TMC5: variants seen among roughly 807,000 people sequenced by gnomAD.
TMC5 encodes the protein transmembrane channel-like protein 5.
TMC5 carries 86 observed loss-of-function variants against 110.5 expected under a neutral mutation model. The observed-to-expected ratio is 0.78, with a 90% CI of 0.65 to 0.93. The LOEUF is 0.93. TMC5 is among the 40% of genes least tolerant of loss of function. The pLI, the probability that TMC5 is intolerant of heterozygous loss-of-function variation, is 0.00. For missense variants in TMC5, 1,144 were observed against 1,222.8 expected, an observed-to-expected ratio of 0.94 and a Z score of 0.96; for synonymous variants, 455 against 439.5, an observed-to-expected ratio of 1.04 and a Z score of -0.44.
At chr16:19,445,565 A>G (rs1413253629) in intron 4 of TMC5, among the ~76,000 whole-genome samples, 1 of 152,062 alleles carries the variant, frequency 6.6e-6, no homozygotes, top group African/African-American at 2.4e-5. Flanking sequence ...TTCTAGGAGG[A>G]AAAAGAGACA....
intron 20 of TMC5, 114 bp downstream of exon 20, chr16:19,494,480 T>A (rs1426666712): frequency 5.8e-6 from 4 of 690,326 alleles, no homozygotes; most frequent in Non-Finnish European, 1.0e-5. Context: ...CCCTTCACTC[T>A]CTGTCTTAAG....
chr16:19,492,228 T>C lies in TMC5; in HGVS notation c.2826T>C (p.Asn942=). The C allele has an allele frequency of 6.2e-7, 1 of 1,611,606 alleles. No individual in the cohort carries two copies. The highest frequency in any genetic ancestry group is 8.5e-7 in the Non-Finnish European group (1 of 1,177,754). The change falls in exon 19 of 22, where the codon AAT becomes AAC. Residue 942 remains asparagine (N), a splice_region_variant and synonymous_variant. Coordinates refer to ENST00000542583, the MANE Select transcript of TMC5 (RefSeq NM_001261841.2). ...MIRLLHEQII[N]EGKDKMFLIE... is the part of the protein sequence containing the mutation. ...GGCTGCTCCATGAGCAGATCATTAATGTAAGTCCCCTTGGATCCCTCTGAT... is the reference window on the plus strand; with the variant it reads ...GGCTGCTCCATGAGCAGATCATTAACGTAAGTCCCCTTGGATCCCTCTGAT...
chr16:19,472,010 C>A, intron 10 of TMC5, 78 bp from the exon 11 acceptor site: 1 of 1,482,464 alleles, frequency 6.7e-7, no homozygotes, highest in Non-Finnish European at 9.3e-7. Context: ...ATCCACCCGC[C>A]TTGGCCTCCC....
intron 3 of TMC5, among the ~76,000 whole-genome samples, chr16:19,443,281 A>C (rs1329325738): frequency 1.3e-5 from 2 of 152,330 alleles, no homozygotes; most frequent in Admixed American, 6.5e-5. Context: ...ATTACTCATC[A>C]GTTGATTTTC....
At chr16:19,491,144 GGCTT>G (rs1968895376) in intron 18 of TMC5, among the ~76,000 whole-genome samples, 1 of 151,966 alleles carries the variant, frequency 6.6e-6, no homozygotes, top group Non-Finnish European at 1.5e-5. Context: ...CAAGTAGCTG[GGCTT>G]GCAGGTGTGC....
intron 2 of TMC5, among the ~76,000 whole-genome samples, chr16:19,434,709 G>C (rs1368926765): frequency 6.6e-6 from 1 of 151,898 alleles, no homozygotes; most frequent in African/African-American, 2.4e-5. Flanking sequence ...AGTTGCCAGG[G>C]TTTACATTGT....
chr16:19,457,154 C>A, intron 5 of TMC5: 1 of 714,652 alleles, frequency 1.4e-6, no homozygotes, highest in Non-Finnish European at 2.2e-6. Flanking sequence ...CTTTGGGAGG[C>A]CAAGATAAGA....
rs529284481 is a variant in TMC5, at chr16:19,432,552, G to A, written c.-80+1912G>A. On this transcript the variant is annotated intron_variant, in intron 2 of 21. Transcript: ENST00000542583. ...AAGCTAAGGGTAAGGTTCTCAGAAG[G>A]CCACTCCCACTTCATGTGACATCAG... Among the ~76,000 whole-genome samples the A allele has an allele frequency of 1.3e-4, 20 of 152,274 alleles. No individual in the cohort carries two copies. In the South Asian group the frequency reaches 4.1e-3, roughly 32 times the overall value.
intron 2 of TMC5, among the ~76,000 whole-genome samples, chr16:19,436,559 T>G (rs1967354762): frequency 6.6e-6 from 1 of 152,216 alleles, no homozygotes; most frequent in South Asian, 2.1e-4. Flanking sequence ...AGCACAGCAT[T>G]TAGTCTTCTT....
intron 2 of TMC5, among the ~76,000 whole-genome samples, chr16:19,434,054 A>ATAAATCTATATATTATATATATAATATAT (rs200203424): frequency 3.1e-4 from 2 of 6,358 alleles, no homozygotes; most frequent in African/African-American, 4.9e-4. Context: ...TAATATATAT[A>ATAAATCTATATATTATATATATAATATAT]ATATAAATCT....
intron 15 of TMC5, among the ~76,000 whole-genome samples, chr16:19,483,255 TCAGG>T (rs1397625526): frequency 5.9e-5 from 9 of 152,198 alleles, no homozygotes; most frequent in African/African-American, 2.2e-4. Context: ...CCTCCTGAGC[TCAGG>T]CAATCTTCCT....
At chr16:19,432,414 G>A (rs1967213318) in intron 2 of TMC5, among the ~76,000 whole-genome samples, 1 of 145,068 alleles carries the variant, frequency 6.9e-6, no homozygotes, top group South Asian at 2.2e-4. Flanking sequence ...GAAAAACCAG[G>A]AAGAAAGAAA....
Position 19,490,493 on chromosome 16 carries a change from AC to A in TMC5, c.2674del (p.Leu892CysfsTer25), listed in dbSNP as rs1567327521. The A allele has an allele frequency of 6.2e-7, 1 of 1,613,992 alleles. No individual in the cohort carries two copies. Among genetic ancestry groups the A allele is most frequent in the Non-Finnish European group, 8.5e-7 (1 of 1,179,988 alleles). On this transcript the variant is annotated frameshift_variant, in exon 18 of 22. Transcript: ENST00000542583. LOFTEE classifies it high-confidence loss of function. ...WIDTLSTRPG[Y>X]LWVVWIYRNL... ...GACACCCTAAGTACACGGCCTGGCT[AC>A]CTGTGGGTTGTTTGGATCTATCGGA...
At chr16:19,487,574 T>C (rs1226842714) in intron 17 of TMC5, among the ~76,000 whole-genome samples, 2 of 152,000 alleles carry the variant, frequency 1.3e-5, no homozygotes, top group Non-Finnish European at 2.9e-5. Flanking sequence ...TGGTGGTGCA[T>C]GCCTGTAATC....
At chr16:19,470,709 A>G (rs979158084) in intron 10 of TMC5, among the ~76,000 whole-genome samples, 3 of 135,454 alleles carry the variant, frequency 2.2e-5, no homozygotes, top group Non-Finnish European at 4.6e-5. Flanking sequence ...TGGTCTATAG[A>G]CACAAACTTA....
At chr16:19,447,821 C>T (rs1436834356) in intron 4 of TMC5, among the ~76,000 whole-genome samples, 2 of 151,766 alleles carry the variant, frequency 1.3e-5, no homozygotes, top group African/African-American at 4.8e-5. Flanking sequence ...CCCAAAGTGC[C>T]GAAATTACAG....
In TMC5 at chr16:19,487,344, TG is replaced by T. The variant is rs1968771343; in HGVS notation, c.2573+23del. 2 of 1,607,794 alleles carry T rather than the reference TG, an allele frequency of 1.2e-6. No individual in the cohort carries two copies. Among genetic ancestry groups the T allele is most frequent in the South Asian group, 1.1e-5 (1 of 90,022 alleles). Reference sequence around the variant, plus strand: ...ATCTGGAGGTAGGAGAAGGTGGCCTTGGGGGAGGTTTTAGAGACTGGGTGGA... The same window carrying T: ...ATCTGGAGGTAGGAGAAGGTGGCCTTGGGGAGGTTTTAGAGACTGGGTGGA... On this transcript the variant is annotated intron_variant, in intron 17 of 21. Coordinates refer to ENST00000542583, the MANE Select transcript of TMC5 (RefSeq NM_001261841.2).
At position 19,479,682 on chromosome 16, in the gene TMC5, T is replaced by C. The variant is rs139874044; in HGVS notation, c.2267+154T>C. ...TTGGGGATACTGTTCACTTCTAAAT[T>C]AGCTAAAATTTCACCTTAACCTGAC... is the stretch of plus-strand genomic sequence containing the variant. On this transcript the variant is annotated intron_variant, in intron 14 of 21. Transcript: ENST00000542583. 1.1e-3 allele frequency among the ~76,000 whole-genome samples: 167 copies of C among 152,292 alleles called. 1 individual carries two copies. Among genetic ancestry groups the C allele is most frequent in the South Asian group, 1.9e-3 (9 of 4,828 alleles).
At chr16:19,492,943 A>ATATATATATATATATGAAT (rs61334845) in intron 19 of TMC5, among the ~76,000 whole-genome samples, 1 of 92,078 alleles carries the variant, frequency 1.1e-5, no homozygotes, top group South Asian at 5.3e-4. Flanking sequence ...TCTCTCTATA[A>ATATATATATATATATGAAT]GATAAATACT....
Sources: allele counts gnomAD v4.1 joint callset (sites outside exome capture counted in the v4.1 genomes callset), GRCh38; gene constraint gnomAD v4.1.1; transcripts MANE v1.5; gene names NCBI Gene and HGNC (gene_info 2026-07-23, HGNC 2026-07-21).